Variants in SLC14A1 observed in about 807,000 individuals in gnomAD.
SLC14A1 encodes the protein urea transporter 1.
A neutral mutation model predicts 39.6 loss-of-function variants in SLC14A1; 36 were observed. That is an observed-to-expected ratio of 0.91 (90% confidence interval 0.70 to 1.20). SLC14A1 has a LOEUF of 1.20. SLC14A1 is among the 50% of genes most tolerant of loss of function. SLC14A1 has a pLI of 0.00. For synonymous variants in SLC14A1, 164 were observed against 173.6 expected (o/e 0.94, Z 0.43); for missense variants, 469 against 478.7 (o/e 0.98, Z 0.19).
At chr18:45,730,520 G>A (rs779368778) in intron 3 of SLC14A1, 49 bp downstream of exon 3, 4 of 1,597,488 alleles carry the variant, frequency 2.5e-6, no homozygotes, top group Admixed American at 1.7e-5. Context: ...AGCTTTGGGG[G>A]AAATGGTTTC....
chr18:45,731,103 G>C lies in SLC14A1; in HGVS notation c.240G>C (p.Leu80=). The C allele has an allele frequency of 1.9e-6, 3 of 1,614,176 alleles. No homozygotes were observed. The South Asian group carries it at 3.3e-5, about 18-fold the overall frequency. Residue 80 remains leucine (L), a synonymous_variant, in exon 4 of 10, where the codon CTG becomes CTC. Coordinates refer to ENST00000321925, the MANE Select transcript of SLC14A1 (RefSeq NM_015865.7). Reference sequence around the variant, plus strand: ...TCAACAACCCCGTCAGTGGAATCCTGATTCTGGTAGGACTTCTTGTTCAGA... The same window carrying C: ...TCAACAACCCCGTCAGTGGAATCCTCATTCTGGTAGGACTTCTTGTTCAGA... ...VFVNNPVSGI[L]ILVGLLVQNP... is the part of the protein sequence containing the mutation.
In SLC14A1 at chr18:45,752,066, A is replaced by G; in HGVS notation, c.*2115A>G. 1 of 985,438 alleles carries G rather than the reference A, an allele frequency of 1.0e-6. No individual in the cohort carries two copies. Among genetic ancestry groups the G allele is most frequent in the Non-Finnish European group, 1.2e-6 (1 of 829,928 alleles). 61.0% of individuals were successfully genotyped at this position (985,438 alleles called of 1,614,324 possible). A position where few individuals can be genotyped will look rare whatever the true frequency, so the allele number is the denominator to read the frequency against. On this transcript the variant is annotated 3_prime_UTR_variant, in exon 10 of 10. Transcript: ENST00000321925. ...AGCAAACATATCGTTCCAATTTTAAAACCCAGTGACCAAAGCCTTTGGAAC... is the reference window on the plus strand; with the variant it reads ...AGCAAACATATCGTTCCAATTTTAAGACCCAGTGACCAAAGCCTTTGGAAC...
chr18:45,727,404 G>A (rs2046897743), intron 2 of SLC14A1: 5 of 1,548,866 alleles, frequency 3.2e-6, no homozygotes, highest in Non-Finnish European at 4.4e-6. Context: ...CCTGGCAGAT[G>A]GGTCGCAGGA....
Position 45,751,791 on chromosome 18 carries a change from A to T in SLC14A1, c.*1840A>T. ...AGCAAGACCCTATCTCAAAAAAATT[A>T]ATTAATTAATTAATTAATTAATTTA... On this transcript the variant is annotated 3_prime_UTR_variant, in exon 10 of 10. Coordinates refer to ENST00000321925, the MANE Select transcript of SLC14A1 (RefSeq NM_015865.7). The T allele has an allele frequency of 1.2e-6, 1 of 835,796 alleles. No individual in the cohort carries two copies. Among genetic ancestry groups the T allele is most frequent in the Non-Finnish European group, 1.4e-6 (1 of 695,460 alleles). The allele number at this position is 835,796 out of a possible 1,614,324, so 51.8% of individuals were successfully genotyped here.
At chr18:45,732,643 G>A (rs919610184) in intron 4 of SLC14A1, among the ~76,000 whole-genome samples, 1 of 152,044 alleles carries the variant, frequency 6.6e-6, no homozygotes, top group African/African-American at 2.4e-5. Flanking sequence ...ACCAGCCCCT[G>A]CAGTGTGGCT....
intron 2 of SLC14A1, among the ~76,000 whole-genome samples, chr18:45,728,331 G>A (rs2046929822): frequency 6.6e-6 from 1 of 152,186 alleles, no homozygotes; most frequent in African/African-American, 2.4e-5. Flanking sequence ...ACATGAATTT[G>A]TTTATTCTGA....
chr18:45,725,609 C>T (rs189404128), intron 2 of SLC14A1, among the ~76,000 whole-genome samples: 1 of 152,316 alleles, frequency 6.6e-6, no homozygotes, highest in East Asian at 1.9e-4. Context: ...CTGCATACTC[C>T]AGCACACAGA....
At chr18:45,740,092 C>T (rs1041516085) in intron 8 of SLC14A1, among the ~76,000 whole-genome samples, 9 of 152,220 alleles carry the variant, frequency 5.9e-5, no homozygotes, top group Non-Finnish European at 1.2e-4. Flanking sequence ...AATGGTGGCA[C>T]TCACTGCTCC....
intron 8 of SLC14A1, among the ~76,000 whole-genome samples, chr18:45,740,478 G>A (rs901428874): frequency 8.1e-5 from 12 of 147,282 alleles, no homozygotes; most frequent in South Asian, 2.2e-4. Flanking sequence ...CCAAGATCGC[G>A]CCACTGCACT....
intron 5 of SLC14A1, among the ~76,000 whole-genome samples, chr18:45,736,059 G>T (rs1340260766): frequency 6.6e-6 from 1 of 152,174 alleles, no homozygotes; most frequent in Non-Finnish European, 1.5e-5. Flanking sequence ...AATAATATCT[G>T]CCAAATCAGA....
Position 45,752,143 on chromosome 18 carries a change from A to G in SLC14A1, c.*2192A>G, listed in dbSNP as rs1197625365. 3.0e-6 allele frequency: 3 copies of G among 985,388 alleles called. No individual in the cohort carries two copies. The highest frequency in any genetic ancestry group is 3.6e-6 in the Non-Finnish European group (3 of 829,906). The allele number at this position is 985,388 out of a possible 1,614,324, so 61.0% of individuals were successfully genotyped here. A position where few individuals can be genotyped will look rare whatever the true frequency, so the allele number is the denominator to read the frequency against. ...ATGGATATTGCTGTGGAGAAGCTCA[A>G]TTTTCAGTGTTTGAACTGAACCCTT... is the stretch of plus-strand genomic sequence containing the variant. On this transcript the variant is annotated 3_prime_UTR_variant, in exon 10 of 10. Transcript: ENST00000321925.
intron 8 of SLC14A1, among the ~76,000 whole-genome samples, chr18:45,740,052 A>C (rs1156553919): frequency 2.0e-5 from 3 of 152,130 alleles, no homozygotes; most frequent in Non-Finnish European, 4.4e-5. Context: ...TTGCACTGAC[A>C]CTTGGCCTTG....
chr18:45,745,025 A>T (rs1400600541), intron 8 of SLC14A1, among the ~76,000 whole-genome samples: 1 of 152,202 alleles, frequency 6.6e-6, no homozygotes, highest in Non-Finnish European at 1.5e-5. Flanking sequence ...CGGGTGGATC[A>T]CAAGGTCAAG....
chr18:45,749,233 A>T (rs16809), intron 9 of SLC14A1, among the ~76,000 whole-genome samples: 3 of 151,858 alleles, frequency 2.0e-5, no homozygotes, highest in Non-Finnish European at 4.4e-5. Flanking sequence ...TCCATGCATC[A>T]GGTCAGAGCT....
intron 9 of SLC14A1, among the ~76,000 whole-genome samples, chr18:45,749,212 C>A (rs1224493865): frequency 6.6e-6 from 1 of 152,110 alleles, no homozygotes; most frequent in African/African-American, 2.4e-5. Context: ...CTCCATCACA[C>A]CCCAGGGAGG....
chr18:45,743,660 T>C (rs1237747039), intron 8 of SLC14A1, among the ~76,000 whole-genome samples: 6 of 152,360 alleles, frequency 3.9e-5, no homozygotes, highest in African/African-American at 1.2e-4. Flanking sequence ...CTGAAACTCA[T>C]AGAACAAATA....
intron 8 of SLC14A1, among the ~76,000 whole-genome samples, chr18:45,743,976 C>A (rs1215873651): frequency 6.7e-6 from 1 of 150,292 alleles, no homozygotes; most frequent in South Asian, 2.1e-4. Context: ...ACTTTATTAA[C>A]TTGCTTATTC....
intron 2 of SLC14A1, among the ~76,000 whole-genome samples, chr18:45,727,850 C>A (rs2046918168): frequency 1.3e-5 from 2 of 152,172 alleles, no homozygotes; most frequent in African/African-American, 4.8e-5. Flanking sequence ...AATATTTTAG[C>A]ATGGCAAAAT....
chr18:45,739,596 T>G lies in SLC14A1; in HGVS notation c.880T>G (p.Cys294Gly), dbSNP rs1451683369. The G allele has an allele frequency of 6.2e-7, 1 of 1,614,216 alleles. No homozygotes were observed. The highest frequency in any genetic ancestry group is 8.5e-7 in the Non-Finnish European group (1 of 1,180,036). ...CTGGGGTTTCAACAGCTCTCTGGCC[T>G]GCATTGCAATGGGAGGAATGTTCAT... ...GLWGFNSSLA[C>G]IAMGGMFMAL... Residue 294 changes from cysteine (C) to glycine (G), a missense_variant, in exon 8 of 10, where the codon TGC (cysteine) becomes GGC (glycine). Transcript: ENST00000321925.
Sources: allele counts gnomAD v4.1 joint callset (sites outside exome capture counted in the v4.1 genomes callset), GRCh38; gene constraint gnomAD v4.1.1; transcripts MANE v1.5; gene names NCBI Gene and HGNC (gene_info 2026-07-23, HGNC 2026-07-21).